The following LNX1 variants were observed in gnomAD, a reference collection of about 807,000 sequenced individuals.
LNX1 encodes ligand of numb-protein X 1.
Under a neutral mutation model 68.4 loss-of-function variants are expected in LNX1, and 54 were observed. The ratio of observed to expected loss-of-function variants is 0.79; its 90% CI spans 0.63 to 0.99. LNX1 has a LOEUF of 0.99. LNX1 is among the 50% of genes least tolerant of loss of function. LNX1 has a pLI of 0.00. For missense variants in LNX1, 906 were observed against 926.4 expected, an observed-to-expected ratio of 0.98 and a Z score of 0.29; for synonymous variants, 336 against 350.0, an observed-to-expected ratio of 0.96 and a Z score of 0.45.
At chr4:53,512,786 G>T (rs1726451191) in intron 2 of LNX1, among the ~76,000 whole-genome samples, 1 of 152,090 alleles carries the variant, frequency 6.6e-6, no homozygotes, top group Non-Finnish European at 1.5e-5. Context: ...TGGGTTTTAG[G>T]TATTAGCTGC....
At chr4:53,605,223 A>G (rs943687882) in intron 2 of LNX1, among the ~76,000 whole-genome samples, 3 of 152,234 alleles carry the variant, frequency 2.0e-5, no homozygotes, top group Non-Finnish European at 4.4e-5. Context: ...ATTGTGTTGT[A>G]TGGTAGCCAT....
intron 6 of LNX1, among the ~76,000 whole-genome samples, chr4:53,493,733 C>T (rs1447872237): frequency 6.6e-6 from 1 of 152,234 alleles, no homozygotes; most frequent in Non-Finnish European, 1.5e-5. Flanking sequence ...TGCTGACTTA[C>T]TGCCTATTCT....
intron 1 of LNX1, among the ~76,000 whole-genome samples, chr4:53,652,009 ATGTG>A (rs139303198): frequency 0.099 from 12,573 of 127,316 alleles, 634 homozygotes; most frequent in Non-Finnish European, 0.12. Context: ...CCTCAATTTG[ATGTG>A]TGTGTGTGAG....
intron 1 of LNX1, among the ~76,000 whole-genome samples, chr4:53,626,926 G>A (rs917464599): frequency 1.3e-5 from 2 of 151,948 alleles, no homozygotes; most frequent in African/African-American, 4.9e-5. Context: ...GTTTAGCCTG[G>A]GAAGCCTGGG....
chr4:53,603,193 C>A (rs536878683), intron 2 of LNX1, among the ~76,000 whole-genome samples: 1 of 152,306 alleles, frequency 6.6e-6, no homozygotes, highest in African/African-American at 2.4e-5. Context: ...GGCCGTGGGG[C>A]CATGGAGGAC....
At chr4:53,625,037 T>C (rs1378339232) in intron 1 of LNX1, among the ~76,000 whole-genome samples, 1 of 152,202 alleles carries the variant, frequency 6.6e-6, no homozygotes, top group Non-Finnish European at 1.5e-5. Flanking sequence ...GTGATAGATA[T>C]TTTTAAAACT....
chr4:53,470,310 C>G (rs145510342), intron 9 of LNX1, among the ~76,000 whole-genome samples: 18,276 of 152,182 alleles, frequency 0.12, 2,122 homozygotes, highest in African/African-American at 0.28. Context: ...TAAAAACTCT[C>G]AATAAATTAG....
At chr4:53,534,166 G>A (rs1468420549) in intron 2 of LNX1, among the ~76,000 whole-genome samples, 2 of 152,234 alleles carry the variant, frequency 1.3e-5, no homozygotes, top group African/African-American at 4.8e-5. Context: ...AGGGGGCAGG[G>A]CAGGCTGAAC....
intron 1 of LNX1, among the ~76,000 whole-genome samples, chr4:53,627,919 A>G (rs1734137377): frequency 6.6e-6 from 1 of 152,228 alleles, no homozygotes; most frequent in Non-Finnish European, 1.5e-5. Flanking sequence ...CTCTGGGTCA[A>G]GTGGGCCCTG....
chr4:53,557,417 C>T (rs1729988752), intron 2 of LNX1, among the ~76,000 whole-genome samples: 1 of 152,066 alleles, frequency 6.6e-6, no homozygotes, highest in Admixed American at 6.6e-5. Flanking sequence ...ACATTTTATA[C>T]ATAGGGTTCT....
At chr4:53,461,637 C>A in intron 9 of LNX1, 44 bp from the exon 10 acceptor site, 1 of 1,478,410 alleles carries the variant, frequency 6.8e-7, no homozygotes. Flanking sequence ...TTAAGTTTCA[C>A]AGTTAAGGGA....
intron 2 of LNX1, among the ~76,000 whole-genome samples, chr4:53,572,727 G>C (rs1186845588): frequency 6.6e-6 from 1 of 152,154 alleles, no homozygotes; most frequent in Non-Finnish European, 1.5e-5. Context: ...CAGCCAGATG[G>C]AACAGGTGAT....
chr4:53,600,720 T>TTATTTA (rs1560689413), intron 2 of LNX1, among the ~76,000 whole-genome samples: 1 of 151,370 alleles, frequency 6.6e-6, no homozygotes, highest in African/African-American at 2.4e-5. Context: ...TTTTTTATTT[T>TTATTTA]TATTTTTATT....
At chr4:53,516,543 G>A (rs1207735568) in intron 2 of LNX1, among the ~76,000 whole-genome samples, 6 of 152,138 alleles carry the variant, frequency 3.9e-5, no homozygotes, top group African/African-American at 1.4e-4. Context: ...AATCTGAGCT[G>A]AGTCTAGAAA....
At chr4:53,541,155 A>G (rs1275637981) in intron 2 of LNX1, among the ~76,000 whole-genome samples, 2 of 151,800 alleles carry the variant, frequency 1.3e-5, no homozygotes, top group African/African-American at 4.8e-5. Flanking sequence ...AAGAAAAAAA[A>G]AAAAGAAAGA....
At chr4:53,651,687 C>T (rs1428584370) in intron 1 of LNX1, among the ~76,000 whole-genome samples, 1 of 152,070 alleles carries the variant, frequency 6.6e-6, no homozygotes, top group South Asian at 2.1e-4. Context: ...CAGGTCACAG[C>T]TTCTCTCAAC....
intron 2 of LNX1, chr4:53,558,290 G>A: frequency 8.9e-7 from 1 of 1,119,758 alleles, no homozygotes; most frequent in East Asian, 6.4e-5. Flanking sequence ...TTGGGAAGCA[G>A]CTGGTACATT....
At position 53,508,132 on chromosome 4, in the gene LNX1, G is replaced by C; in HGVS notation, c.476C>G (p.Ala159Gly). 1 of 1,614,162 alleles carries C rather than the reference G, an allele frequency of 6.2e-7. No individual in the cohort carries two copies. The highest frequency in any genetic ancestry group is 8.5e-7 in the Non-Finnish European group (1 of 1,180,018). Residue 159 changes from alanine (A) to glycine (G), a missense_variant, in exon 3 of 11, where the codon GCT becomes GGT. Ala to Gly is a moderately conservative substitution (Grantham distance 60). Coordinates refer to ENST00000263925, the MANE Select transcript of LNX1 (RefSeq NM_001126328.3). ...PDGCASLTAT[A>G]PSPEVSAAAT... ...AGCTGCAGAAACCTCTGGGGAGGGA[G>C]CCGTGGCTGTGAGGCTCGCACAGCC...
upstream of LNX1, among the ~76,000 whole-genome samples, chr4:53,621,073 T>C (rs185451261): frequency 7.9e-5 from 12 of 152,340 alleles, no homozygotes; most frequent in African/African-American, 2.6e-4. Flanking sequence ...GGAGCATTAC[T>C]CAGAGTGTGG....
Sources: gnomAD v4.1 joint callset for allele counts (sites outside exome capture counted in the v4.1 genomes callset) on GRCh38, gnomAD v4.1.1 for gene constraint, MANE v1.5 for transcripts, NCBI Gene and HGNC (gene_info 2026-07-23, HGNC 2026-07-21) for gene names.